CES5A: variants seen among roughly 807,000 people sequenced by gnomAD.
The protein encoded by CES5A is carboxylesterase 5A, also known as carboxylesterase 5.
A neutral mutation model predicts 62.9 loss-of-function variants in CES5A; 67 were observed. That is an observed-to-expected ratio of 1.07 (90% confidence interval 0.88 to 1.31). The LOEUF is 1.31. Among genes scored for constraint, CES5A ranks in the 50% most tolerant of loss-of-function variants. The probability of loss-of-function intolerance (pLI) is 0.00; values close to 1 mark genes in which losing one functional copy is unlikely to be tolerated. For missense variants in CES5A, 748 were observed against 708.5 expected, an observed-to-expected ratio of 1.06 and a Z score of -0.63; for synonymous variants, 296 against 280.8, an observed-to-expected ratio of 1.05 and a Z score of -0.54.
rs752977508 is a variant in CES5A at position 55,871,704 on chromosome 16, G to A, written c.338C>T (p.Pro113Leu). 1.4e-5 allele frequency: 22 copies of A among 1,614,082 alleles called. No individual in the cohort carries two copies. Among genetic ancestry groups the A allele is most frequent in the South Asian group, 1.3e-4 (12 of 91,078 alleles). The change falls in exon 3 of 13, where the codon CCG becomes CTG. Residue 113 changes from proline (P) to leucine (L), a missense_variant. Pro to Leu is a moderately conservative substitution (Grantham distance 98, BLOSUM62 -3). Transcript: ENST00000290567. Reference sequence around the variant, plus strand: ...GCAGTCTTCTGACACTCCGAATTTCGGGTAATGCACCTTGAGCATATGTTG... The same window carrying A: ...GCAGTCTTCTGACACTCCGAATTTCAGGTAATGCACCTTGAGCATATGTTG... ...LDQHMLKVHY[P>L]KFGVSEDCLY...
intron 5 of CES5A, among the ~76,000 whole-genome samples, chr16:55,864,166 G>A (rs1238601907): frequency 3.3e-5 from 5 of 152,206 alleles, no homozygotes; most frequent in African/African-American, 1.2e-4. Flanking sequence ...ACTCTTCACA[G>A]AGGTTCTGGT....
chr16:55,890,203 C>A (rs1289784157), intron 1 of CES5A, among the ~76,000 whole-genome samples: 1 of 150,778 alleles, frequency 6.6e-6, no homozygotes, highest in Non-Finnish European at 1.5e-5. Flanking sequence ...AGGCAGAAAG[C>A]TTAAGAAGAA....
intron 1 of CES5A, among the ~76,000 whole-genome samples, chr16:55,890,145 G>A (rs1023840349): frequency 2.0e-4 from 30 of 152,094 alleles, no homozygotes; most frequent in African/African-American, 7.0e-4. Flanking sequence ...TTTTCCATCA[G>A]GCTGAGAATG....
intron 1 of CES5A, among the ~76,000 whole-genome samples, chr16:55,952,864 T>G (rs1332088502): frequency 1.3e-5 from 2 of 152,154 alleles, no homozygotes; most frequent in Non-Finnish European, 2.9e-5. Flanking sequence ...CCATGTGATA[T>G]ACTATGCAGG....
upstream of CES5A, among the ~76,000 whole-genome samples, chr16:55,879,461 C>A (rs1309383512): frequency 2.0e-5 from 3 of 151,108 alleles, no homozygotes; most frequent in Non-Finnish European, 4.4e-5. Flanking sequence ...AAGCCCATGA[C>A]TGCACCCTAT....
At chr16:55,851,883 A>G (rs2033140923) in intron 10 of CES5A, among the ~76,000 whole-genome samples, 2 of 152,260 alleles carry the variant, frequency 1.3e-5, no homozygotes, top group Admixed American at 1.3e-4. Flanking sequence ...TCTGATGTAT[A>G]GTACAGCATA....
At chr16:55,945,186 T>C (rs549241958) in intron 2 of CES5A, among the ~76,000 whole-genome samples, 1 of 150,070 alleles carries the variant, frequency 6.7e-6, no homozygotes, top group Admixed American at 6.6e-5. Flanking sequence ...CATTATCTGA[T>C]TTAATGCCCA....
At chr16:55,856,748 C>A (rs72808085) in intron 8 of CES5A, among the ~76,000 whole-genome samples, 7,030 of 152,318 alleles carry the variant, frequency 0.046, 275 homozygotes, top group South Asian at 0.17. Context: ...CACGTTGAAG[C>A]CTTAACCCCC....
intron 1 of CES5A, among the ~76,000 whole-genome samples, chr16:55,884,645 G>A (rs757497001): frequency 6.6e-6 from 1 of 151,964 alleles, no homozygotes; most frequent in Non-Finnish European, 1.5e-5. Flanking sequence ...AGACTGGAGT[G>A]CAATAGCATG....
chr16:55,936,221 G>T (rs1384289664), intron 2 of CES5A, among the ~76,000 whole-genome samples: 6 of 152,134 alleles, frequency 3.9e-5, no homozygotes, highest in African/African-American at 1.4e-4. Context: ...ATGATACTTG[G>T]AAATCTACTT....
At chr16:55,927,012 T>C (rs2034264010), upstream of CES5A, among the ~76,000 whole-genome samples, 4 of 152,126 alleles carry the variant, frequency 2.6e-5, no homozygotes, top group South Asian at 2.1e-4. Context: ...AAAATTTCCA[T>C]TGATGCTGGG....
chr16:55,904,598 C>T (rs766360841), intron 1 of CES5A, among the ~76,000 whole-genome samples: 13 of 152,300 alleles, frequency 8.5e-5, no homozygotes, highest in Non-Finnish European at 1.9e-4. Context: ...ATGTTATACT[C>T]GTTGTCTCTC....
intron 3 of CES5A, 86 bp downstream of exon 3, chr16:55,871,539 C>T: frequency 6.7e-7 from 1 of 1,493,290 alleles, no homozygotes; most frequent in South Asian, 1.3e-5. Flanking sequence ...GGGGTAGTTC[C>T]AATTCCAGAC....
At chr16:55,907,757 G>C (rs935898981) in intron 1 of CES5A, among the ~76,000 whole-genome samples, 6 of 152,092 alleles carry the variant, frequency 3.9e-5, no homozygotes, top group Admixed American at 6.5e-5. Context: ...CTTGGGGGAG[G>C]GTGCGAAGAG....
intron 1 of CES5A, among the ~76,000 whole-genome samples, chr16:55,923,634 A>C (rs7197269): frequency 0.019 from 2,916 of 152,036 alleles, 105 homozygotes; most frequent in African/African-American, 0.067. Flanking sequence ...AAAAAAATTG[A>C]AGAGGACAGG....
rs2033001651 is a variant in CES5A, at chr16:55,846,218, C to T, written c.*233G>A. ...AACCATTATTATGACAACTAATAGG[C>T]CAGCCCTCTTCCAAATTTATTGAAG... On this transcript the variant is annotated 3_prime_UTR_variant, in exon 13 of 13. Transcript: ENST00000290567. 2 of 574,234 alleles carry T rather than the reference C, an allele frequency of 3.5e-6. No individual in the cohort carries two copies. Among genetic ancestry groups the T allele is most frequent in the South Asian group, 4.3e-5 (2 of 46,538 alleles). The allele number at this position is 574,234 out of a possible 1,614,324, so 35.6% of individuals were successfully genotyped here. A position where few individuals can be genotyped will look rare whatever the true frequency, so the allele number is the denominator to read the frequency against.
chr16:55,877,470 A>G (rs999733915), upstream of CES5A, among the ~76,000 whole-genome samples: 88 of 149,646 alleles, frequency 5.9e-4, no homozygotes, highest in African/African-American at 1.5e-3. Flanking sequence ...GTGTGTGTAT[A>G]TATATATATA....
intron 6 of CES5A, among the ~76,000 whole-genome samples, chr16:55,861,879 T>C (rs2033358487): frequency 6.6e-6 from 1 of 152,064 alleles, no homozygotes; most frequent in African/African-American, 2.4e-5. Flanking sequence ...AGCCCAACCT[T>C]GAGGTGCTGA....
At chr16:55,876,877 C>A (rs147165095), upstream of CES5A, among the ~76,000 whole-genome samples, 1 of 152,194 alleles carries the variant, frequency 6.6e-6, no homozygotes, top group African/African-American at 2.4e-5. Flanking sequence ...AGGAGGAAGG[C>A]AGGGGGCTAC....
Sources: allele counts gnomAD v4.1 joint callset (sites outside exome capture counted in the v4.1 genomes callset), GRCh38; gene constraint gnomAD v4.1.1; transcripts MANE v1.5; gene names NCBI Gene and HGNC (gene_info 2026-07-23, HGNC 2026-07-21).